Variants in TPTE2 observed in about 807,000 individuals in gnomAD.
TPTE2 encodes phosphatidylinositol 3,4,5-trisphosphate 3-phosphatase TPTE2.
TPTE2 carries 53 observed loss-of-function variants against 78.6 expected under a neutral mutation model. The observed-to-expected ratio is 0.67, with a 90% CI of 0.54 to 0.85. The LOEUF is 0.85. Among genes scored for constraint, TPTE2 ranks in the 40% least tolerant of loss-of-function variants. TPTE2 has a pLI of 0.00. For synonymous variants in TPTE2, 175 were observed against 206.2 expected, an observed-to-expected ratio of 0.85 and a Z score of 1.30; for missense variants, 461 against 623.0, an observed-to-expected ratio of 0.74 and a Z score of 2.77.
intron 3 of TPTE2, among the ~76,000 whole-genome samples, chr13:19,484,954 G>A (rs1334054965): frequency 3.3e-5 from 5 of 152,034 alleles, no homozygotes; most frequent in Non-Finnish European, 7.4e-5. Context: ...TATCCTTCAT[G>A]GGGTATTTAA....
chr13:19,482,441 A>G, intron 4 of TPTE2, 47 bp downstream of exon 7: 1 of 1,601,852 alleles, frequency 6.2e-7, no homozygotes, highest in Non-Finnish European at 8.5e-7. Flanking sequence ...ACTAAAGGTA[A>G]GAGATCCATC....
intron 3 of TPTE2, among the ~76,000 whole-genome samples, chr13:19,491,069 A>C (rs1389282625): frequency 2.0e-5 from 3 of 152,230 alleles, no homozygotes. Context: ...TTTAGAAAAC[A>C]GTGTCTAAAA....
chr13:19,478,566 T>A (rs1346228975), intron 4 of TPTE2, among the ~76,000 whole-genome samples: 1 of 152,250 alleles, frequency 6.6e-6, no homozygotes, highest in Non-Finnish European at 1.5e-5. Flanking sequence ...TTGGTGGGAC[T>A]GTAAACTAGT....
chr13:19,497,222 G>A (rs941369613), intron 1 of TPTE2, among the ~76,000 whole-genome samples: 1 of 148,840 alleles, frequency 6.7e-6, no homozygotes, highest in African/African-American at 2.4e-5. Context: ...GAGGCTGGGG[G>A]AGGGGCGCCC....
intron 13 of TPTE2, among the ~76,000 whole-genome samples, chr13:19,444,881 A>G (rs1220543672): frequency 6.6e-6 from 1 of 152,254 alleles, no homozygotes; most frequent in African/African-American, 2.4e-5. Flanking sequence ...TAGCAAAGAA[A>G]TGAAAATCTT....
chr13:19,503,987 G>A (rs367910088), upstream of TPTE2, among the ~76,000 whole-genome samples: 20 of 152,004 alleles, frequency 1.3e-4, no homozygotes, highest in Admixed American at 3.3e-4. Context: ...TGATCCACCC[G>A]CCTCGGCCTC....
At chr13:19,536,538 T>C (rs1359354931) in intron 1 of TPTE2, 1 of 152,214 alleles carries the variant, frequency 6.6e-6, no homozygotes, top group Non-Finnish European at 1.5e-5. Flanking sequence ...ATATTCAAAA[T>C]TTGGCTTTTG....
At chr13:19,560,493 T>A in the TPTE2 span, 10 of 1,591,224 alleles carry the variant, frequency 6.3e-6, no homozygotes, top group East Asian at 6.7e-5. Context: ...CCTCCATTCA[T>A]ACTCTCTGCA....
chr13:19,485,208 A>G (rs1301346627), intron 3 of TPTE2, among the ~76,000 whole-genome samples: 1 of 152,130 alleles, frequency 6.6e-6, no homozygotes, highest in Non-Finnish European at 1.5e-5. Context: ...TCCAGATGTA[A>G]GACTCCCTTG....
Position 19,429,698 on chromosome 13 carries a change from G to A in TPTE2, c.1302+770C>T, listed in dbSNP as rs148219352. Among the ~76,000 whole-genome samples the A allele has an allele frequency of 4.5e-4, 69 of 152,298 alleles. 4 individuals are homozygous for A. In the East Asian group the frequency reaches 0.013, roughly 29 times the overall value. On this transcript the variant is annotated intron_variant, in intron 17 of 19. Coordinates refer to ENST00000400230, the Ensembl canonical transcript of TPTE2. ...GGCCAAAAAAGCCGGGGGCAGAGTC[G>A]GGAGGGGGTGGCAGGGAACAGGGTT...
chr13:19,452,153 T>C (rs1412579294), intron 10 of TPTE2, among the ~76,000 whole-genome samples: 5 of 152,082 alleles, frequency 3.3e-5, no homozygotes, highest in African/African-American at 4.8e-5. Context: ...TGAATCTGCA[T>C]AGTGGGGGAG....
chr13:19,496,139 T>A (rs565313010), intron 1 of TPTE2, among the ~76,000 whole-genome samples: 1 of 152,242 alleles, frequency 6.6e-6, no homozygotes, highest in Non-Finnish European at 1.5e-5. Context: ...GTGCTGGGAC[T>A]ACAGGCCTGA....
In TPTE2 at chr13:19,535,595, C is replaced by A. The variant is rs9508385; in HGVS notation, c.-44+1001G>T. 0.74 allele frequency among the ~76,000 whole-genome samples: 112,066 copies of A among 151,536 alleles called. 43,964 individuals are homozygous for A. The highest frequency in any genetic ancestry group is 0.96 in the East Asian group (4,983 of 5,168). The stretch of plus-strand genomic sequence containing the variant: ...TAAGTGACTGAGGTTCTAAGTAATA[C>A]TATCTCCAGGATTTTCTTATTTATT... On this transcript the variant is annotated intron_variant, in intron 1 of 17. Coordinates refer to the TPTE2 transcript ENST00000390680. This position sits in a 1 kb window ranked among gnomAD's most constrained non-coding sequence, Gnocchi z 5.1.
At chr13:19,422,966 T>A in exon 20 of TPTE2, 1 of 1,492,844 alleles carries the variant, frequency 6.7e-7, no homozygotes, top group African/African-American at 1.4e-5. Context: ...TTAGGACACA[T>A]GAACATGTGG....
chr13:19,502,859 A>C (rs77701103), intron 1 of TPTE2, among the ~76,000 whole-genome samples: 106 of 151,880 alleles, frequency 7.0e-4, no homozygotes, highest in Non-Finnish European at 1.3e-3. Flanking sequence ...AAAAAAAAAA[A>C]GAAGCTGCTT....
intron 10 of TPTE2, among the ~76,000 whole-genome samples, chr13:19,456,151 A>G (rs189370083): frequency 9.2e-5 from 14 of 152,224 alleles, no homozygotes; most frequent in African/African-American, 1.4e-4. Context: ...TAAAATGAAT[A>G]TGTGAATTTA....
chr13:19,546,736 C>T, the TPTE2 span, among the ~76,000 whole-genome samples: 3 of 151,700 alleles, frequency 2.0e-5, no homozygotes, highest in East Asian at 1.9e-4. Flanking sequence ...GTGATCCACC[C>T]GCCTCAGCCT....
chr13:19,552,967 T>C, the TPTE2 span, among the ~76,000 whole-genome samples: 5 of 149,918 alleles, frequency 3.3e-5, no homozygotes, highest in African/African-American at 1.2e-4. Flanking sequence ...AAGAAAAAAA[T>C]AAATTTTGTT....
At chr13:19,479,851 T>C (rs1288016868) in intron 4 of TPTE2, among the ~76,000 whole-genome samples, 2 of 151,678 alleles carry the variant, frequency 1.3e-5, no homozygotes, top group Admixed American at 6.6e-5. Flanking sequence ...TAGTCCCAGC[T>C]ACTCAGGAGG....
Sources: allele counts gnomAD v4.1 joint callset (sites outside exome capture counted in the v4.1 genomes callset), GRCh38; gene constraint gnomAD v4.1.1; non-coding constraint Gnocchi (gnomAD v3.1); transcripts MANE v1.5; gene names NCBI Gene and HGNC (gene_info 2026-07-23, HGNC 2026-07-21).